The following SKIL variants were observed in gnomAD, a reference collection of about 807,000 sequenced individuals.
SKIL encodes SKI like proto-oncogene.
Under a neutral mutation model 69.6 loss-of-function variants are expected in SKIL, and 20 were observed. The ratio of observed to expected loss-of-function variants is 0.29; its 90% CI spans 0.20 to 0.42. The LOEUF (loss-of-function observed/expected upper bound fraction) is 0.42, where lower values mean the gene tolerates loss of function less well. SKIL is among the 10% of genes least tolerant of loss of function. SKIL has a pLI of 1.00. For missense variants in SKIL, 745 were observed against 783.1 expected, an observed-to-expected ratio of 0.95 and a Z score of 0.58; for synonymous variants, 310 against 279.9, an observed-to-expected ratio of 1.11 and a Z score of -1.08.
At position 170,361,074 on chromosome 3, in the gene SKIL, C is replaced by G; in HGVS notation, c.743C>G (p.Ala248Gly). 6.2e-7 allele frequency: 1 copy of G among 1,614,220 alleles called. No homozygotes were observed. Among genetic ancestry groups the G allele is most frequent in the Non-Finnish European group, 8.5e-7 (1 of 1,180,032 alleles). ...TFPQNGSVLP[A>G]KSSLAQLKET... Reference sequence around the variant, plus strand: ...CCTCAAAATGGTAGCGTACTTCCTGCTAAAAGCTCATTGGCCCAGTTAAAG... The same window carrying G: ...CCTCAAAATGGTAGCGTACTTCCTGGTAAAAGCTCATTGGCCCAGTTAAAG... Residue 248 changes from alanine to glycine, a missense_variant, in exon 2 of 7, where the codon GCT (alanine) becomes GGT (glycine). Coordinates refer to ENST00000259119, the MANE Select transcript of SKIL (RefSeq NM_005414.5).
chr3:170,374,343 T>C (rs888959910), intron 2 of SKIL, among the ~76,000 whole-genome samples: 2 of 152,164 alleles, frequency 1.3e-5, no homozygotes, highest in African/African-American at 2.4e-5. Flanking sequence ...ATCTGTTCAT[T>C]TTGGGGTAAA....
intron 4 of SKIL, among the ~76,000 whole-genome samples, chr3:170,385,852 A>T (rs1737598591): frequency 7.0e-6 from 1 of 142,966 alleles, no homozygotes; most frequent in Non-Finnish European, 1.5e-5. Flanking sequence ...CCCAGGCTGG[A>T]GTAAAATGGT....
chr3:170,363,595 C>T (rs1275363006), intron 2 of SKIL, among the ~76,000 whole-genome samples: 1 of 151,996 alleles, frequency 6.6e-6, no homozygotes, highest in Non-Finnish European at 1.5e-5. Context: ...AAGTGATTCT[C>T]CTGCCTCAGC....
At chr3:170,357,834 GC>G (rs1370125628) in intron 1 of SKIL, 71 bp downstream of exon 1, 2 of 153,584 alleles carry the variant, frequency 1.3e-5, no homozygotes, top group African/African-American at 2.4e-5. Flanking sequence ...CCTCCTAGGA[GC>G]CCGACGGCGG....
intron 2 of SKIL, among the ~76,000 whole-genome samples, chr3:170,367,896 GCAAC>G (rs1736622838): frequency 6.6e-6 from 1 of 152,136 alleles, no homozygotes; most frequent in African/African-American, 2.4e-5. Flanking sequence ...CCTAAAGATA[GCAAC>G]TTAAAAAATT....
At chr3:170,366,418 G>T (rs1039241771) in intron 2 of SKIL, among the ~76,000 whole-genome samples, 1 of 152,014 alleles carries the variant, frequency 6.6e-6, no homozygotes. Flanking sequence ...GGTGGCTCAT[G>T]CCTGTAATCC....
At chr3:170,375,156 A>G (rs1180987471) in intron 2 of SKIL, among the ~76,000 whole-genome samples, 1 of 152,240 alleles carries the variant, frequency 6.6e-6, no homozygotes. Flanking sequence ...GATTTTAAAT[A>G]GGGAATTCAG....
chr3:170,385,738 T>TG (rs1275436660), intron 4 of SKIL, among the ~76,000 whole-genome samples: 2 of 152,166 alleles, frequency 1.3e-5, no homozygotes, highest in African/African-American at 4.8e-5. Flanking sequence ...GAGGGTCCTC[T>TG]ATTTATTTAA....
chr3:170,384,443 GT>G, intron 3 of SKIL, 89 bp from the exon 4 acceptor site: 1 of 593,064 alleles, frequency 1.7e-6, no homozygotes, highest in South Asian at 2.9e-5. Context: ...AAAAAAAAAA[GT>G]TTAACCACAG....
rs1737882944 is a variant in SKIL, at chr3:170,391,018, T to C, written c.1672-18T>C. The stretch of plus-strand genomic sequence containing the variant: ...TGAAAATAAAGTAAAACTTGTATTG[T>C]GATTCTTTACATTACAGGAAGTAAA... On this transcript the variant is annotated intron_variant, in intron 5 of 6. Transcript: ENST00000259119. 7.6e-7 allele frequency: 1 copy of C among 1,307,224 alleles called. No homozygotes were observed. The allele number at this position is 1,307,224 out of a possible 1,614,324, so 81.0% of individuals were successfully genotyped here.
At chr3:170,378,929 T>C (rs1038718057) in intron 2 of SKIL, among the ~76,000 whole-genome samples, 1 of 151,878 alleles carries the variant, frequency 6.6e-6, no homozygotes, top group African/African-American at 2.4e-5. Flanking sequence ...CAGGCTGGAG[T>C]GCGGTGGTGC....
intron 5 of SKIL, among the ~76,000 whole-genome samples, chr3:170,390,750 G>A (rs1197675816): frequency 6.6e-6 from 1 of 152,154 alleles, no homozygotes; most frequent in Non-Finnish European, 1.5e-5. Context: ...AAAGTGCTGG[G>A]ATTACAGGTG....
intron 6 of SKIL, 64 bp downstream of exon 6, chr3:170,391,324 C>CT (rs879356232): frequency 0.045 from 32,163 of 709,054 alleles, 35 homozygotes; most frequent in East Asian, 0.05. Flanking sequence ...TTACTTCTCT[C>CT]TTTTTTTTTT....
chr3:170,361,494 T>C, intron 2 of SKIL, 65 bp downstream of exon 2: 1 of 1,233,596 alleles, frequency 8.1e-7, no homozygotes, highest in Non-Finnish European at 1.1e-6. Flanking sequence ...ATTCTATGTT[T>C]AGTGTGTAAC....
intron 4 of SKIL, among the ~76,000 whole-genome samples, chr3:170,389,242 A>G (rs191338043): frequency 5.7e-4 from 87 of 151,998 alleles, no homozygotes; most frequent in African/African-American, 1.9e-3. Context: ...TAATTTTTGT[A>G]TACAGCATAA....
At chr3:170,369,647 C>T (rs1440874557) in intron 2 of SKIL, among the ~76,000 whole-genome samples, 1 of 152,078 alleles carries the variant, frequency 6.6e-6, no homozygotes, top group Non-Finnish European at 1.5e-5. Context: ...GGTGATCTGC[C>T]TGTCTCAGCC....
rs551576642 is a variant in SKIL at position 170,396,638 on chromosome 3, G to A, written c.*4221G>A. 17 of 152,150 alleles carry A rather than the reference G, an allele frequency of 1.1e-4. No homozygotes were observed. The highest frequency in any genetic ancestry group is 2.2e-4 in the Non-Finnish European group (15 of 67,990). The allele number at this position is 152,150 out of a possible 1,614,324, so 9.4% of individuals were successfully genotyped here. A position where few individuals can be genotyped will look rare whatever the true frequency, so the allele number is the denominator to read the frequency against. On this transcript the variant is annotated 3_prime_UTR_variant, in exon 7 of 7. Transcript: ENST00000259119. ...CTCACGTGAAATAAATATTTTATAT[G>A]GTTTTACTAAAAATAAGACTCATGT...
At position 170,367,726 on chromosome 3, in the gene SKIL, C is replaced by T. The variant is rs371568545; in HGVS notation, c.1098+6297C>T. ...TCAGGCAATCCACCAGCCTCAGTCTCCCAAAGTGCTGGGATTACAGGCGTG... is the reference window on the plus strand; with the variant it reads ...TCAGGCAATCCACCAGCCTCAGTCTTCCAAAGTGCTGGGATTACAGGCGTG... On this transcript the variant is annotated intron_variant, in intron 2 of 6. Transcript: ENST00000259119. Among the ~76,000 whole-genome samples the T allele has an allele frequency of 6.8e-4, 104 of 152,150 alleles. 1 individual carries two copies. The highest frequency in any genetic ancestry group is 2.4e-3 in the African/African-American group (100 of 41,508).
At chr3:170,386,033 C>G (rs925319780) in intron 4 of SKIL, among the ~76,000 whole-genome samples, 11 of 151,834 alleles carry the variant, frequency 7.2e-5, no homozygotes, top group Non-Finnish European at 1.5e-4. Flanking sequence ...CTCAGGTGAT[C>G]CGCCTGCCTC....
Sources: allele counts gnomAD v4.1 joint callset (sites outside exome capture counted in the v4.1 genomes callset), GRCh38; gene constraint gnomAD v4.1.1; transcripts MANE v1.5; gene names NCBI Gene and HGNC (gene_info 2026-07-23, HGNC 2026-07-21).